Variants in ING3 observed in about 807,000 individuals in gnomAD.
ING3 encodes the protein inhibitor of growth protein 3.
Under a neutral mutation model 64.8 loss-of-function variants are expected in ING3, and 6 were observed. That is an observed-to-expected ratio of 0.09 (90% confidence interval 0.05 to 0.18). The LOEUF (loss-of-function observed/expected upper bound fraction) is 0.18, where lower values mean the gene tolerates loss of function less well. Among genes scored for constraint, ING3 ranks in the 10% least tolerant of loss-of-function variants. ING3 has a pLI of 1.00. For missense variants in ING3, 310 were observed against 489.7 expected (o/e 0.63, Z 3.46); for synonymous variants, 170 against 173.7 (o/e 0.98, Z 0.17).
chr7:120,970,468 A>C (rs1331035634), intron 9 of ING3, among the ~76,000 whole-genome samples: 1 of 151,784 alleles, frequency 6.6e-6, no homozygotes, highest in African/African-American at 2.4e-5. Flanking sequence ...CCATCTCAAA[A>C]AAAAAAAAAA....
In ING3 at chr7:120,976,542, C is replaced by A. The variant is rs1156412236; in HGVS notation, c.*1698C>A. ...ACTCAATATTTTGAGATTTTATAAC[C>A]CTTTAAGAAGTGATAAATAATGTAG... On this transcript the variant is annotated 3_prime_UTR_variant, in exon 12 of 12. Transcript: ENST00000315870. The A allele has an allele frequency of 1.3e-5, 2 of 150,760 alleles. No individual in the cohort carries two copies. The highest frequency in any genetic ancestry group is 1.3e-4 in the Admixed American group (2 of 15,240). 9.3% of individuals were successfully genotyped at this position (150,760 alleles called of 1,614,324 possible).
chr7:120,962,383 A>T (rs1343665221), intron 4 of ING3, among the ~76,000 whole-genome samples: 1 of 151,762 alleles, frequency 6.6e-6, no homozygotes, highest in African/African-American at 2.4e-5. Flanking sequence ...TGTTTATTTT[A>T]ACTATGAATT....
intron 4 of ING3, among the ~76,000 whole-genome samples, chr7:120,962,718 T>A (rs958329943): frequency 6.6e-6 from 1 of 152,128 alleles, no homozygotes; most frequent in African/African-American, 2.4e-5. Flanking sequence ...TCTACATTTT[T>A]TATTGTGATT....
At chr7:120,958,303 T>C (rs1438208681) in intron 4 of ING3, among the ~76,000 whole-genome samples, 2 of 152,158 alleles carry the variant, frequency 1.3e-5, no homozygotes, top group Admixed American at 6.5e-5. Flanking sequence ...AAAAAATCCC[T>C]TCTCTTTCAG....
Position 120,974,784 on chromosome 7 carries a change from C to T in ING3, c.1197C>T (p.Gly399=), listed in dbSNP as rs1341189410. The change falls in exon 12 of 12, where the codon GGC becomes GGT. Residue 399 remains glycine (G), a synonymous_variant. Transcript: ENST00000315870. ...TTGGATTGACAGAGGCACCAAAAGGCAAATGGTACTGTCCACAGTGCACTG... is the reference window on the plus strand; with the variant it reads ...TTGGATTGACAGAGGCACCAAAAGGTAAATGGTACTGTCCACAGTGCACTG... ...GCVGLTEAPK[G]KWYCPQCTAA... 1 of 1,613,006 alleles carries T rather than the reference C, an allele frequency of 6.2e-7. No individual in the cohort carries two copies. The highest frequency in any genetic ancestry group is 1.7e-5 in the Admixed American group (1 of 59,992).
At chr7:120,954,448 G>T (rs1162608695) in intron 3 of ING3, among the ~76,000 whole-genome samples, 2 of 151,722 alleles carry the variant, frequency 1.3e-5, no homozygotes, top group Non-Finnish European at 2.9e-5. Context: ...AAAAAAAAGG[G>T]TCCACTAAGG....
intron 1 of ING3, 81 bp from the exon 2 acceptor site, chr7:120,951,083 C>A (rs574163629): frequency 2.6e-6 from 4 of 1,549,360 alleles, no homozygotes; most frequent in South Asian, 2.2e-5. Flanking sequence ...CCCCCTCGAC[C>A]CCCCTGACGC....
chr7:120,951,754 C>T lies in ING3; in HGVS notation c.100+519C>T, dbSNP rs138842360. On this transcript the variant is annotated intron_variant, in intron 2 of 11. Transcript: ENST00000315870. ...GATACATTTTAAATTGTAACAGAAT[C>T]GTCATTTTCTTGGTTAAAATGAGTG... is the stretch of plus-strand genomic sequence containing the variant. 3.6e-3 allele frequency among the ~76,000 whole-genome samples: 552 copies of T among 152,266 alleles called. 3 individuals are homozygous for T. Among genetic ancestry groups the T allele is most frequent in the African/African-American group, 0.013 (543 of 41,540 alleles).
At chr7:120,970,665 A>G (rs779661324) in intron 9 of ING3, 23 bp from the exon 10 acceptor site, 9 of 1,611,342 alleles carry the variant, frequency 5.6e-6, no homozygotes, top group Non-Finnish European at 7.6e-6. Flanking sequence ...GTGAGCAAAT[A>G]AAACTTATAC....
In ING3 at chr7:120,958,132, T is replaced by C. The variant is rs756031478; in HGVS notation, c.267+2508T>C. On this transcript the variant is annotated intron_variant, in intron 4 of 11. Transcript: ENST00000315870. The stretch of plus-strand genomic sequence containing the variant: ...TCCTAGTATCTCTGAGGCTTCTTTT[T>C]GTCTTTTCTTCTTTTTCTTCCCCCA... Among the ~76,000 whole-genome samples the C allele has an allele frequency of 1.8e-4, 27 of 152,300 alleles. No individual in the cohort carries two copies. In the East Asian group the frequency reaches 5.2e-3, roughly 29 times the overall value.
At chr7:120,955,272 G>C (rs1281856770) in intron 3 of ING3, among the ~76,000 whole-genome samples, 2 of 152,154 alleles carry the variant, frequency 1.3e-5, no homozygotes, top group African/African-American at 4.8e-5. Context: ...GGGATTACAG[G>C]CGCCCACTAC....
In ING3 at chr7:120,973,297, C is replaced by G; in HGVS notation, c.1140+54C>G. ...TGAAAAAAATCACAGGTTGTTATTA[C>G]TTGAATATTTGTCTTATTTGCTGTA... is the stretch of plus-strand genomic sequence containing the variant. On this transcript the variant is annotated intron_variant, in intron 11 of 11. Transcript: ENST00000315870. The G allele has an allele frequency of 1.1e-5, 13 of 1,158,800 alleles. 1 individual carries two copies. In the South Asian group the frequency reaches 1.5e-4, roughly 14 times the overall value. 71.8% of individuals were successfully genotyped at this position (1,158,800 alleles called of 1,614,324 possible). A position where few individuals can be genotyped will look rare whatever the true frequency, so the allele number is the denominator to read the frequency against.
At chr7:120,964,647 C>G (rs1300632232) in intron 4 of ING3, 95 bp from the exon 5 acceptor site, 2 of 850,596 alleles carry the variant, frequency 2.4e-6, no homozygotes, top group Admixed American at 3.8e-5. Context: ...TAAGCAGATT[C>G]ACTAAAAGAA....
chr7:120,956,164 A>G (rs373539829), intron 4 of ING3: 2 of 1,604,504 alleles, frequency 1.2e-6, no homozygotes, highest in Admixed American at 3.3e-5. Context: ...TTGCAGCAGC[A>G]CTTCTAAAAG....
intron 4 of ING3, among the ~76,000 whole-genome samples, chr7:120,963,444 C>CAA (rs34775399): frequency 9.6e-5 from 14 of 145,962 alleles, no homozygotes; most frequent in Non-Finnish European, 1.5e-4. Flanking sequence ...GAATGTTTTT[C>CAA]AAAAAAAAAA....
chr7:120,966,575 T>C (rs780791559), intron 5 of ING3, 51 bp from the exon 6 acceptor site: 1 of 1,371,482 alleles, frequency 7.3e-7, no homozygotes, highest in East Asian at 2.3e-5. Context: ...ACATGTGAAG[T>C]TCTGCGGTGA....
chr7:120,968,845 C>CAAAAAA (rs377274991), intron 8 of ING3, among the ~76,000 whole-genome samples, 166 bp from the exon 9 acceptor site: 2 of 59,300 alleles, frequency 3.4e-5, no homozygotes, highest in African/African-American at 5.5e-5. Flanking sequence ...AACTCCACCT[C>CAAAAAA]AAAAAAAAAA....
At chr7:120,967,370 CAG>C (rs1452882748) in intron 6 of ING3, 157 bp from the exon 7 acceptor site, 1 of 466,528 alleles carries the variant, frequency 2.1e-6, no homozygotes, top group East Asian at 3.5e-5. Context: ...ACATGTGACA[CAG>C]AGTTCTGCTT....
intron 2 of ING3, among the ~76,000 whole-genome samples, chr7:120,952,022 T>C (rs530552782): frequency 6.6e-6 from 1 of 152,286 alleles, no homozygotes; most frequent in Admixed American, 6.5e-5. Context: ...CACCCACTTC[T>C]ATACCCTTTG....
Sources: gnomAD v4.1 joint callset for allele counts (sites outside exome capture counted in the v4.1 genomes callset) on GRCh38, gnomAD v4.1.1 for gene constraint, MANE v1.5 for transcripts, NCBI Gene and HGNC (gene_info 2026-07-23, HGNC 2026-07-21) for gene names.